The following COL5A2 variants were observed in gnomAD, a reference collection of about 807,000 sequenced individuals.
The protein encoded by COL5A2 is collagen type V alpha 2 chain, also known as collagen alpha-2(V) chain.
A neutral mutation model predicts 208.2 loss-of-function variants in COL5A2; 23 were observed. That is an observed-to-expected ratio of 0.11 (90% CI 0.08 to 0.16). The LOEUF (loss-of-function observed/expected upper bound fraction) is 0.16. Ranked by LOEUF, COL5A2 falls within the 10% of genes least tolerant of loss-of-function variation. The pLI is 1.00. For synonymous variants in COL5A2, 625 were observed against 628.5 expected, an observed-to-expected ratio of 0.99 and a Z score of 0.08; for missense variants, 1,590 against 1,956.4, an observed-to-expected ratio of 0.81 and a Z score of 3.53.
chr2:189,081,256 C>T (rs1323101808), intron 12 of COL5A2, among the ~76,000 whole-genome samples: 1 of 152,082 alleles, frequency 6.6e-6, no homozygotes, highest in Non-Finnish European at 1.5e-5. Flanking sequence ...GGAAACATGA[C>T]TTATACAAGG....
chr2:189,348,896 T>G, the COL5A2 span, among the ~76,000 whole-genome samples: 1 of 152,198 alleles, frequency 6.6e-6, no homozygotes, highest in Admixed American at 6.6e-5. Context: ...CAGCCATCAT[T>G]TTTAGTGCCT....
intron 1 of COL5A2, among the ~76,000 whole-genome samples, chr2:189,211,049 C>T (rs1226543382): frequency 2.0e-5 from 3 of 152,164 alleles, no homozygotes; most frequent in Non-Finnish European, 4.4e-5. Context: ...AAATCTATTA[C>T]TGCAGACTTC....
rs1196032642 is a variant in COL5A2, at chr2:189,051,380, T to C, written c.2871A>G (p.Gly957=). 6.2e-7 allele frequency: 1 copy of C among 1,613,930 alleles called. No homozygotes were observed. Among genetic ancestry groups the C allele is most frequent in the African/African-American group, 1.3e-5 (1 of 74,910 alleles). ...CTGGGCCACCAGGGGGGCCAGCTGG[T>C]CCTCGATCTCCCACACGCCCATGAG... ...PGSHGRVGDR[G]PAGPPGGPGD... is the part of the protein sequence containing the mutation. Residue 957 remains glycine, a synonymous_variant, in exon 42 of 54, where the codon GGA becomes GGG. Transcript: ENST00000374866.
At chr2:189,310,864 T>C in the COL5A2 span, among the ~76,000 whole-genome samples, 1 of 151,776 alleles carries the variant, frequency 6.6e-6, no homozygotes, top group African/African-American at 2.4e-5. Flanking sequence ...ATTTCTAGGA[T>C]CTAAAAATCA....
At chr2:189,064,092 T>C (rs1295890765) in intron 25 of COL5A2, 59 bp from the exon 26 acceptor site, 1 of 1,391,246 alleles carries the variant, frequency 7.2e-7, no homozygotes, top group African/African-American at 1.4e-5. Context: ...GTAAAGATTC[T>C]TAAGAGTAAA....
rs370838493 is a variant in COL5A2, at chr2:189,100,567, C to T, written c.337-428G>A. Among the ~76,000 whole-genome samples the T allele has an allele frequency of 2.0e-4, 31 of 151,948 alleles. No individual in the cohort carries two copies. The East Asian group carries it at 5.6e-3, about 27-fold the overall frequency. ...TATATACAAATTTTCACACTTTTATCATATGACACATAGTTTTCAGGATCT... is the reference window on the plus strand; with the variant it reads ...TATATACAAATTTTCACACTTTTATTATATGACACATAGTTTTCAGGATCT... On this transcript the variant is annotated intron_variant, in intron 3 of 53. Transcript: ENST00000374866.
At chr2:189,134,028 G>T (rs945004644) in intron 1 of COL5A2, among the ~76,000 whole-genome samples, 3 of 151,666 alleles carry the variant, frequency 2.0e-5, no homozygotes, top group Admixed American at 1.3e-4. Flanking sequence ...CAACAAAAAA[G>T]AAAAAAATAC....
chr2:189,338,955 C>A, the COL5A2 span, among the ~76,000 whole-genome samples: 1 of 152,130 alleles, frequency 6.6e-6, no homozygotes, highest in African/African-American at 2.4e-5. Context: ...CTCCCAGGTT[C>A]ACACCCATAC....
chr2:189,255,851 T>C, the COL5A2 span, among the ~76,000 whole-genome samples: 1 of 152,168 alleles, frequency 6.6e-6, no homozygotes. Context: ...AGATAATGTT[T>C]CATAAAGGAA....
At chr2:189,427,195 C>T in the COL5A2 span, among the ~76,000 whole-genome samples, 1 of 152,192 alleles carries the variant, frequency 6.6e-6, no homozygotes, top group Non-Finnish European at 1.5e-5. Context: ...TTCCCTACAT[C>T]GTAGCCACTC....
intron 7 of COL5A2, among the ~76,000 whole-genome samples, chr2:189,089,550 T>C (rs1686737969): frequency 6.6e-6 from 1 of 152,140 alleles, no homozygotes; most frequent in African/African-American, 2.4e-5. Flanking sequence ...CTTGTTAAGG[T>C]CTCAATCTAC....
the COL5A2 span, among the ~76,000 whole-genome samples, chr2:189,352,391 T>G: frequency 6.6e-6 from 1 of 152,216 alleles, no homozygotes; most frequent in Non-Finnish European, 1.5e-5. Flanking sequence ...TCTTCCAAAA[T>G]AGTTGAACTA....
At chr2:189,355,667 G>T in the COL5A2 span, among the ~76,000 whole-genome samples, 805 of 152,204 alleles carry the variant, frequency 5.3e-3, 30 homozygotes, top group East Asian at 0.084. Flanking sequence ...TTGAGCCTAT[G>T]TATGTCTTGC....
At chr2:189,407,936 C>A in the COL5A2 span, among the ~76,000 whole-genome samples, 1 of 152,130 alleles carries the variant, frequency 6.6e-6, no homozygotes, top group Non-Finnish European at 1.5e-5. Context: ...AGCTTAAATT[C>A]CAGACCTCGT....
chr2:189,439,241 G>A, the COL5A2 span, among the ~76,000 whole-genome samples: 5 of 152,104 alleles, frequency 3.3e-5, no homozygotes, highest in Non-Finnish European at 5.9e-5. Flanking sequence ...GATAAGGTAA[G>A]GTCCAGTAAC....
intron 1 of COL5A2, among the ~76,000 whole-genome samples, chr2:189,174,517 A>G (rs575707437): frequency 6.6e-5 from 10 of 152,182 alleles, no homozygotes; most frequent in African/African-American, 2.4e-4. Flanking sequence ...CGGAACATAA[A>G]AGCCAACAGG....
the COL5A2 span, among the ~76,000 whole-genome samples, chr2:189,342,355 T>A: frequency 2.0e-5 from 3 of 147,804 alleles, no homozygotes; most frequent in East Asian, 3.9e-4. Flanking sequence ...ACCAATAATT[T>A]TATATATATA....
chr2:189,153,441 A>G (rs577316045), intron 1 of COL5A2, among the ~76,000 whole-genome samples: 19 of 152,336 alleles, frequency 1.2e-4, no homozygotes, highest in African/African-American at 3.4e-4. Context: ...CAAGATTTGA[A>G]GACAAATCTG....
At chr2:189,407,330 G>A in the COL5A2 span, among the ~76,000 whole-genome samples, 1 of 152,030 alleles carries the variant, frequency 6.6e-6, no homozygotes, top group Non-Finnish European at 1.5e-5. Context: ...TTAAGAATAT[G>A]GGGGAGGTGG....
Sources: allele counts gnomAD v4.1 joint callset (sites outside exome capture counted in the v4.1 genomes callset), GRCh38; gene constraint gnomAD v4.1.1; transcripts MANE v1.5; gene names NCBI Gene and HGNC (gene_info 2026-07-23, HGNC 2026-07-21).